The following CCDC171 variants were observed in gnomAD, a reference collection of about 807,000 sequenced individuals.
CCDC171 encodes coiled-coil domain-containing protein 171.
A neutral mutation model predicts 168.2 loss-of-function variants in CCDC171; 177 were observed. That is an observed-to-expected ratio of 1.05 (90% CI 0.93 to 1.19). The LOEUF is 1.19. CCDC171 is among the 50% of genes most tolerant of loss of function. The probability of loss-of-function intolerance (pLI) is 0.00; values close to 1 mark genes in which losing one functional copy is unlikely to be tolerated. For synonymous variants in CCDC171, 687 were observed against 540.8 expected, an observed-to-expected ratio of 1.27 and a Z score of -3.75; for missense variants, 1,991 against 1,539.0, an observed-to-expected ratio of 1.29 and a Z score of -4.91.
rs1004289076 is a variant in CCDC171 at position 15,818,338 on chromosome 9, G to A, written c.3268-28364G>A. ...TCCTCACCAGCAACGGACCAAAGCT[G>A]GACAGAGAATGACTTTGATGAGTTG... On this transcript the variant is annotated intron_variant, in intron 21 of 25. Transcript: ENST00000380701. Among the ~76,000 whole-genome samples, 82 of 118,214 alleles carry A rather than the reference G, an allele frequency of 6.9e-4. 28 individuals are homozygous for A. The highest frequency in any genetic ancestry group is 1.6e-3 in the Non-Finnish European group (82 of 52,598). 77.6% of individuals were successfully genotyped at this position (118,214 alleles called of 152,430 possible).
intron 18 of CCDC171, among the ~76,000 whole-genome samples, chr9:15,754,865 A>T (rs2055999551): frequency 6.6e-6 from 1 of 152,182 alleles, no homozygotes. Context: ...CATTATTAAT[A>T]TTTATTGCAT....
At chr9:15,741,642 C>CT (rs199823091) in intron 16 of CCDC171, among the ~76,000 whole-genome samples, 2 of 151,644 alleles carry the variant, frequency 1.3e-5, no homozygotes, top group African/African-American at 2.4e-5. Context: ...ACCTTACTGA[C>CT]TTTTTTTTCC....
intron 21 of CCDC171, among the ~76,000 whole-genome samples, chr9:15,797,623 T>C (rs187199560): frequency 6.6e-6 from 1 of 152,188 alleles, no homozygotes; most frequent in African/African-American, 2.4e-5. Flanking sequence ...ATATTATCTT[T>C]TAGTCTTTGG....
intron 18 of CCDC171, among the ~76,000 whole-genome samples, chr9:15,756,445 T>A (rs1420134013): frequency 6.6e-6 from 1 of 152,182 alleles, no homozygotes; most frequent in Admixed American, 6.5e-5. Flanking sequence ...GGGTATATTG[T>A]GTGATGCTGA....
intron 21 of CCDC171, among the ~76,000 whole-genome samples, chr9:15,815,733 G>C (rs935698103): frequency 8.6e-6 from 1 of 115,976 alleles, no homozygotes; most frequent in African/African-American, 3.2e-5. Flanking sequence ...CCAAACCTTG[G>C]TTATAATAAT....
rs143035848 is a variant in CCDC171, at chr9:15,586,561, T to A, written c.353-4805T>A. On this transcript the variant is annotated intron_variant, in intron 4 of 25. Transcript: ENST00000380701. Reference sequence around the variant, plus strand: ...CACCAGATACCATTGGAATTATGTATGGGAGTAGCAGTAGTGAGTAAAATA... The same window carrying A: ...CACCAGATACCATTGGAATTATGTAAGGGAGTAGCAGTAGTGAGTAAAATA... 6.0e-3 allele frequency among the ~76,000 whole-genome samples: 914 copies of A among 152,278 alleles called. 13 individuals are homozygous for A. The highest frequency in any genetic ancestry group is 0.021 in the African/African-American group (862 of 41,552).
intron 19 of CCDC171, 42 bp downstream of exon 19, chr9:15,777,868 A>T (rs771895414): frequency 7.6e-7 from 1 of 1,315,786 alleles, no homozygotes; most frequent in Non-Finnish European, 1.0e-6. Flanking sequence ...AAGAACTTGT[A>T]GGTTTAATTT....
intron 3 of CCDC171, among the ~76,000 whole-genome samples, chr9:15,988,851 C>T (rs765642133): frequency 9.2e-5 from 14 of 152,148 alleles, no homozygotes; most frequent in African/African-American, 2.7e-4. Context: ...AGTCTGAGAT[C>T]GAAGTGCAAA....
At chr9:15,715,662 T>G (rs1289239856) in intron 11 of CCDC171, among the ~76,000 whole-genome samples, 1 of 152,230 alleles carries the variant, frequency 6.6e-6, no homozygotes, top group African/African-American at 2.4e-5. Context: ...TCTCCCTCCA[T>G]TATTTCTTAC....
chr9:16,038,816 C>A (rs1229011079), upstream of CCDC171, among the ~76,000 whole-genome samples: 2 of 43,364 alleles, frequency 4.6e-5, no homozygotes, highest in African/African-American at 9.7e-5. Context: ...AATATGAGGG[C>A]AAAGAAAAGA....
intron 11 of CCDC171, among the ~76,000 whole-genome samples, chr9:15,715,792 T>A (rs2053038320): frequency 6.6e-6 from 1 of 152,196 alleles, no homozygotes; most frequent in Non-Finnish European, 1.5e-5. Flanking sequence ...AACTATGGAT[T>A]ACTGAAATAA....
At chr9:15,679,025 A>G (rs1489221895) in intron 10 of CCDC171, 129 bp downstream of exon 10, 1 of 642,388 alleles carries the variant, frequency 1.6e-6, no homozygotes, top group Non-Finnish European at 2.5e-6. Flanking sequence ...TTGATAACAA[A>G]ATTTCCAAAA....
chr9:16,049,074 C>G (rs1833711071), intron 1 of CCDC171, among the ~76,000 whole-genome samples: 1 of 152,136 alleles, frequency 6.6e-6, no homozygotes, highest in African/African-American at 2.4e-5. Flanking sequence ...TGTCTACATT[C>G]AGAAAATCGC....
chr9:15,624,516 A>T (rs186629395), intron 7 of CCDC171, among the ~76,000 whole-genome samples: 1,761 of 152,002 alleles, frequency 0.012, 43 homozygotes, highest in African/African-American at 0.041. Context: ...CCTGTGTCCA[A>T]GTGTTCTCAT....
intron 21 of CCDC171, among the ~76,000 whole-genome samples, chr9:15,825,261 A>G (rs1053893192): frequency 6.6e-6 from 1 of 152,120 alleles, no homozygotes; most frequent in African/African-American, 2.4e-5. Context: ...AAAAATATAG[A>G]CAAGGAGCAG....
At chr9:15,794,245 A>G (rs752411159) in intron 21 of CCDC171, among the ~76,000 whole-genome samples, 4 of 152,122 alleles carry the variant, frequency 2.6e-5, no homozygotes, top group African/African-American at 4.8e-5. Context: ...TGGGCAGATC[A>G]CCTGAGGTCA....
rs377239873 is a variant in CCDC171, at chr9:15,594,080, G to C, written c.583G>C (p.Glu195Gln). Residue 195 changes from glutamate to glutamine, a missense_variant, in exon 6 of 26, where the codon GAG (glutamate) becomes CAG (glutamine). Transcript: ENST00000380701. ...ACATCAACGGGAGAAGAATGAGATG[G>C]AGTCTCATATCAGGGAGACAGCATT... is the stretch of plus-strand genomic sequence containing the variant. ...EKHQREKNEM[E>Q]SHIRETALEE... The C allele has an allele frequency of 6.0e-5, 95 of 1,578,452 alleles. No individual in the cohort carries two copies. The highest frequency in any genetic ancestry group is 8.0e-5 in the Non-Finnish European group (92 of 1,152,406).
chr9:15,849,457 A>G (rs768741394), intron 23 of CCDC171, among the ~76,000 whole-genome samples: 13 of 151,456 alleles, frequency 8.6e-5, no homozygotes, highest in East Asian at 1.9e-4. Flanking sequence ...AATATATTCT[A>G]TTGTTTTCAA....
At chr9:16,095,154 C>T in the CCDC171 span, among the ~76,000 whole-genome samples, 1 of 152,152 alleles carries the variant, frequency 6.6e-6, no homozygotes, top group African/African-American at 2.4e-5. Flanking sequence ...TCAGGTATTT[C>T]TTTATAGCAG....
Sources: gnomAD v4.1 joint callset for allele counts (sites outside exome capture counted in the v4.1 genomes callset) on GRCh38, gnomAD v4.1.1 for gene constraint, MANE v1.5 for transcripts, NCBI Gene and HGNC (gene_info 2026-07-23, HGNC 2026-07-21) for gene names.